PCDHGB4: variants seen among roughly 807,000 people sequenced by gnomAD.
The protein encoded by PCDHGB4 is protocadherin gamma-B4.
Under a neutral mutation model 60.5 loss-of-function variants are expected in PCDHGB4, and 38 were observed. The ratio of observed to expected loss-of-function variants is 0.63; its 90% CI spans 0.48 to 0.82. PCDHGB4 has a LOEUF of 0.82. Ranked by LOEUF, PCDHGB4 falls within the 40% of genes least tolerant of loss-of-function variation. PCDHGB4 has a pLI of 0.00. For synonymous variants in PCDHGB4, 456 were observed against 509.7 expected (o/e 0.89, Z 1.42); for missense variants, 1,109 against 1,209.6 (o/e 0.92, Z 1.23).
chr5:141,507,796 G>GGGAA (rs2099863457), intron 3 of PCDHGB4, among the ~76,000 whole-genome samples: 1 of 152,220 alleles, frequency 6.6e-6, no homozygotes, highest in Admixed American at 6.5e-5. Flanking sequence ...GTCTAAGCCT[G>GGGAA]CGCCCTGGGG....
At chr5:141,506,563 C>T (rs925780739) in intron 3 of PCDHGB4, among the ~76,000 whole-genome samples, 2 of 152,062 alleles carry the variant, frequency 1.3e-5, no homozygotes, top group Non-Finnish European at 2.9e-5. Context: ...TAAACCCCCT[C>T]GGTTTCACTT....
Position 141,491,713 on chromosome 5 carries a change from G to A in PCDHGB4, c.2398-3094G>A. On this transcript the variant is annotated intron_variant, in intron 1 of 3. Transcript: ENST00000519479. This position sits in a 1 kb window ranked among gnomAD's most constrained non-coding sequence, Gnocchi z 6.9. ...GGAGCGGAGCCAGGTGAGGGGCTCG[G>A]CGCCGCCCCGGGCGACCCCTGGGGG... The A allele has an allele frequency of 1.9e-6, 3 of 1,609,174 alleles. No individual in the cohort carries two copies. Among genetic ancestry groups the A allele is most frequent in the Non-Finnish European group, 2.5e-6 (3 of 1,178,054 alleles).
rs143252334 is a variant in PCDHGB4 at position 141,431,395 on chromosome 5, T to A, written c.2397+41114T>A. On this transcript the variant is annotated intron_variant, in intron 1 of 3. Transcript: ENST00000519479. The surrounding 1 kb of genome is among the most constrained non-coding windows in gnomAD (Gnocchi z 4.8). ...AAAAGGCTGCTCACCACCTGGTCCT[T>A]ACGGCCTCCGACGGGGGCGACCCGG... 2 of 1,613,720 alleles carry A rather than the reference T, an allele frequency of 1.2e-6. No individual in the cohort carries two copies. Among genetic ancestry groups the A allele is most frequent in the African/African-American group, 2.7e-5 (2 of 74,950 alleles).
chr5:141,495,386 G>C (rs2099760934), intron 2 of PCDHGB4, among the ~76,000 whole-genome samples: 1 of 152,214 alleles, frequency 6.6e-6, no homozygotes, highest in Non-Finnish European at 1.5e-5. Context: ...GGACTGGGCG[G>C]GGCATGGAGC....
At chr5:141,461,082 T>C (rs2099008648) in intron 1 of PCDHGB4, among the ~76,000 whole-genome samples, 1 of 152,070 alleles carries the variant, frequency 6.6e-6, no homozygotes, top group South Asian at 2.1e-4. Flanking sequence ...AATTGTGAAT[T>C]GTGCTGCTAT....
intron 1 of PCDHGB4, chr5:141,415,035 C>G (rs368588973): frequency 5.6e-6 from 9 of 1,613,578 alleles, no homozygotes; most frequent in South Asian, 1.1e-5. Context: ...AGCCGGGACT[C>G]TTCGCGGTGG....
At position 141,478,147 on chromosome 5, in the gene PCDHGB4, C is replaced by T. The variant is rs199689679; in HGVS notation, c.2398-16660C>T. On this transcript the variant is annotated intron_variant, in intron 1 of 3. Transcript: ENST00000519479. The stretch of plus-strand genomic sequence containing the variant: ...ACTCTCCTGAAGCCCGAGCCGAGTT[C>T]CCCTCTGGCTCTGCCCCCCGGGAGC... The T allele has an allele frequency of 2.0e-5, 32 of 1,614,076 alleles. 1 individual carries two copies. In the East Asian group the frequency reaches 5.3e-4, roughly 27 times the overall value.
chr5:141,405,165 C>T (rs745998723), intron 1 of PCDHGB4: 1 of 1,614,096 alleles, frequency 6.2e-7, no homozygotes, highest in Admixed American at 1.7e-5. Flanking sequence ...GTGCCCACCT[C>T]ACACTTTGTG....
chr5:141,395,038 G>A lies in PCDHGB4; in HGVS notation c.2397+4757G>A, dbSNP rs762482437. On this transcript the variant is annotated intron_variant, in intron 1 of 3. Transcript: ENST00000519479. Reference sequence around the variant, plus strand: ...GGCGTGCCTGCCTCACATTTTGTGGGTGTTGAGGAGGTACAGGCTTTCCTG... The same window carrying A: ...GGCGTGCCTGCCTCACATTTTGTGGATGTTGAGGAGGTACAGGCTTTCCTG... 5.3e-5 allele frequency: 85 copies of A among 1,614,150 alleles called. 1 individual carries two copies. Among genetic ancestry groups the A allele is most frequent in the Non-Finnish European group, 7.1e-5 (84 of 1,180,034 alleles).
At position 141,413,564 on chromosome 5, in the gene PCDHGB4, T is replaced by C. The variant is rs762044373; in HGVS notation, c.2397+23283T>C. 9 of 1,613,760 alleles carry C rather than the reference T, an allele frequency of 5.6e-6. No homozygotes were observed. The Admixed American group carries it at 1.2e-4, about 21-fold the overall frequency. ...GGGATAGAAATAGAAGTAACTGATA[T>C]CAATGACAATGCTCCAAAATTCCAA... On this transcript the variant is annotated intron_variant, in intron 1 of 3. Coordinates refer to ENST00000519479, the MANE Select transcript of PCDHGB4 (RefSeq NM_003736.4).
At chr5:141,492,218 T>C (rs2099738354) in intron 1 of PCDHGB4, among the ~76,000 whole-genome samples, 1 of 152,114 alleles carries the variant, frequency 6.6e-6, no homozygotes. Flanking sequence ...GCGGGGCTCA[T>C]GCGTGTCCTC....
chr5:141,434,768 T>C (rs6580188), intron 1 of PCDHGB4, among the ~76,000 whole-genome samples: 81,499 of 151,296 alleles, frequency 0.54, 23,977 homozygotes, highest in African/African-American at 0.79. Context: ...CACTTCACAC[T>C]TCTAAAAAAA....
At chr5:141,399,681 C>G (rs2093865042) in intron 1 of PCDHGB4, 1 of 1,613,408 alleles carries the variant, frequency 6.2e-7, no homozygotes, top group South Asian at 1.1e-5. Flanking sequence ...CCTTTGACTA[C>G]GAGCAGCTGC....
chr5:141,394,643 G>T, intron 1 of PCDHGB4: 1 of 1,613,492 alleles, frequency 6.2e-7, no homozygotes, highest in Non-Finnish European at 8.5e-7. Flanking sequence ...GCCTGCTCAA[G>T]GCCAGCGAGC....
At chr5:141,400,064 G>A in intron 1 of PCDHGB4, 1 of 1,613,770 alleles carries the variant, frequency 6.2e-7, no homozygotes, top group Non-Finnish European at 8.5e-7. Context: ...CGTGATGGTG[G>A]ACAGCCGCCA....
chr5:141,432,521 G>A lies in PCDHGB4; in HGVS notation c.2397+42240G>A. The stretch of plus-strand genomic sequence containing the variant: ...CCGCTCCGCAGAGCCCGGCTACCTG[G>A]TGACCAAGGTGGTGGCGGTGGACAG... On this transcript the variant is annotated intron_variant, in intron 1 of 3. Coordinates refer to ENST00000519479, the MANE Select transcript of PCDHGB4 (RefSeq NM_003736.4). The surrounding 1 kb of genome is among the most constrained non-coding windows in gnomAD (Gnocchi z 6.0). The A allele has an allele frequency of 6.2e-7, 1 of 1,614,112 alleles. No homozygotes were observed. Among genetic ancestry groups the A allele is most frequent in the Non-Finnish European group, 8.5e-7 (1 of 1,180,028 alleles).
chr5:141,498,578 G>T (rs1404493166), intron 2 of PCDHGB4, among the ~76,000 whole-genome samples: 1 of 152,048 alleles, frequency 6.6e-6, no homozygotes, highest in African/African-American at 2.4e-5. Flanking sequence ...CTAGTATTGA[G>T]TTCTTCAGTA....
rs200724467 is a variant in PCDHGB4 at position 141,399,395 on chromosome 5, G to A, written c.2397+9114G>A. 5,303 of 1,613,964 alleles carry A rather than the reference G, an allele frequency of 3.3e-3. 153 individuals carry two copies. In the South Asian group the frequency reaches 0.047, roughly 14 times the overall value. ...AATGTCACCATCACAGCCACAGACA[G>A]GGGCAAGCCGCCCCTCTCCTCCAGC... On this transcript the variant is annotated intron_variant, in intron 1 of 3. Coordinates refer to ENST00000519479, the MANE Select transcript of PCDHGB4 (RefSeq NM_003736.4).
Position 141,486,416 on chromosome 5 carries a change from C to G in PCDHGB4, c.2398-8391C>G. The G allele has an allele frequency of 4.3e-6, 7 of 1,614,152 alleles. No homozygotes were observed. The highest frequency in any genetic ancestry group is 5.9e-6 in the Non-Finnish European group (7 of 1,180,016). On this transcript the variant is annotated intron_variant, in intron 1 of 3. Coordinates refer to ENST00000519479, the MANE Select transcript of PCDHGB4 (RefSeq NM_003736.4). The surrounding 1 kb of genome is among the most constrained non-coding windows in gnomAD (Gnocchi z 5.0). Reference sequence around the variant, plus strand: ...CCTGGTGACTGCTGGACCCTTGGATCGAGAGGCCAAATCTAGCTATGACAT... The same window carrying G: ...CCTGGTGACTGCTGGACCCTTGGATGGAGAGGCCAAATCTAGCTATGACAT...
Sources: allele counts gnomAD v4.1 joint callset (sites outside exome capture counted in the v4.1 genomes callset), GRCh38; gene constraint gnomAD v4.1.1; non-coding constraint Gnocchi (gnomAD v3.1); transcripts MANE v1.5; gene names NCBI Gene and HGNC (gene_info 2026-07-23, HGNC 2026-07-21).